The following ICOSLG variants were observed in gnomAD, a reference collection of about 807,000 sequenced individuals.
ICOSLG encodes ICOS ligand.
For synonymous variants in ICOSLG, 15 were observed against 64.2 expected (o/e 0.23, Z 3.66); for missense variants, 35 against 158.4 (o/e 0.22, Z 4.18).
At chr21:44,224,378 T>G (rs531381188), downstream of ICOSLG, 8 of 49,994 alleles carry the variant, frequency 1.6e-4, 2 homozygotes, top group South Asian at 8.5e-4. Context: ...AAAAAAAAAA[T>G]AAAAGAAAAA....
At position 44,232,808 on chromosome 21, in the gene ICOSLG, G is replaced by A. The variant is rs1415230767; in HGVS notation, c.698-1364C>T. On this transcript the variant is annotated intron_variant, in intron 4 of 5. Transcript: ENST00000400379. ...GCGGTCTCGGCTCACTGCAGCCTCC[G>A]CCTCCCAGGTTCCAGCAATTCTCCT... Among the ~76,000 whole-genome samples, 9 of 78,670 alleles carry A rather than the reference G, an allele frequency of 1.1e-4. 1 individual carries two copies. The highest frequency in any genetic ancestry group is 3.3e-4 in the East Asian group (1 of 3,026). 51.6% of individuals were successfully genotyped at this position (78,670 alleles called of 152,430 possible).
chr21:44,232,790 C>T (rs150562079), intron 4 of ICOSLG, among the ~76,000 whole-genome samples: 1 of 83,818 alleles, frequency 1.2e-5, no homozygotes, highest in Admixed American at 1.4e-4. Context: ...GGTGCGGTCT[C>T]GGCTCACTGC....
At chr21:44,230,224 G>A in intron 5 of ICOSLG, 135 bp from the exon 6 acceptor site, 1 of 335,656 alleles carries the variant, frequency 3.0e-6, no homozygotes, top group South Asian at 6.1e-5. Flanking sequence ...TCCAGGCGGG[G>A]AAAACACTCA....
chr21:44,232,464 G>GCGGTGTGATCATAGA (rs1293218063), intron 4 of ICOSLG, among the ~76,000 whole-genome samples: 1 of 60,404 alleles, frequency 1.7e-5, no homozygotes, highest in East Asian at 3.5e-4. Flanking sequence ...CTGAAGTGCA[G>GCGGTGTGATCATAGA]CGGTGTGATC....
Sources: gnomAD v4.1 joint callset for allele counts (sites outside exome capture counted in the v4.1 genomes callset) on GRCh38, gnomAD v4.1.1 for gene constraint, MANE v1.5 for transcripts, NCBI Gene and HGNC (gene_info 2026-07-23, HGNC 2026-07-21) for gene names.